PWWP2B: variants seen among roughly 807,000 people sequenced by gnomAD.
PWWP2B encodes PWWP domain containing 2B, also known as PWWP domain-containing protein 2B.
In PWWP2B, 9 loss-of-function variants were observed where a neutral mutation model predicts 15.5. That is an observed-to-expected ratio of 0.58 (90% CI 0.35 to 1.02). The LOEUF is 1.02. Among genes scored for constraint, PWWP2B ranks in the 50% least tolerant of loss-of-function variants. The probability of loss-of-function intolerance (pLI) is 0.02; values close to 1 mark genes in which losing one functional copy is unlikely to be tolerated. For synonymous variants in PWWP2B, 474 were observed against 403.6 expected, an observed-to-expected ratio of 1.17 and a Z score of -2.09; for missense variants, 864 against 865.3, an observed-to-expected ratio of 1.00 and a Z score of 0.02.
intron 2 of PWWP2B, among the ~76,000 whole-genome samples, chr10:132,414,205 A>G (rs748175667): frequency 2.6e-5 from 4 of 152,234 alleles, no homozygotes; most frequent in Non-Finnish European, 5.9e-5. Context: ...GGGCCCGTCC[A>G]GGCTGTCTCC....
At chr10:132,406,618 G>A (rs1417048922) in intron 2 of PWWP2B, among the ~76,000 whole-genome samples, 2 of 152,248 alleles carry the variant, frequency 1.3e-5, no homozygotes, top group Non-Finnish European at 2.9e-5. Flanking sequence ...AGTCAGGGAT[G>A]TGGTTTGACG....
intron 1 of PWWP2B, among the ~76,000 whole-genome samples, chr10:132,402,411 C>T (rs991897630): frequency 7.9e-5 from 12 of 152,242 alleles, no homozygotes; most frequent in Non-Finnish European, 1.5e-4. Flanking sequence ...TCATTTGAGG[C>T]CCTTTCATTG....
intron 2 of PWWP2B, among the ~76,000 whole-genome samples, chr10:132,413,705 G>C (rs948335454): frequency 6.6e-6 from 1 of 152,222 alleles, no homozygotes; most frequent in East Asian, 1.9e-4. Flanking sequence ...CAGGCCCCAC[G>C]CCGGCTTCTC....
chr10:132,399,626 C>T (rs959591320), intron 1 of PWWP2B, among the ~76,000 whole-genome samples: 14 of 152,334 alleles, frequency 9.2e-5, no homozygotes, highest in African/African-American at 3.1e-4. Context: ...GAGTTCACTG[C>T]ACACCTACTG....
Position 132,411,092 on chromosome 10 carries a change from G to C in PWWP2B, c.*16+4803G>C, listed in dbSNP as rs113234370. On this transcript the variant is annotated intron_variant, in intron 2 of 2. Coordinates refer to ENST00000305233, the MANE Select transcript of PWWP2B (RefSeq NM_138499.4). ...AAACCTCCACACACTGGGGCTCTGA[G>C]ACCACAGGCGTTTATTCCCACGCCT... Among the ~76,000 whole-genome samples, 15 of 152,320 alleles carry C rather than the reference G, an allele frequency of 9.8e-5. 1 individual carries two copies. Among genetic ancestry groups the C allele is most frequent in the African/African-American group, 3.6e-4 (15 of 41,572 alleles).
chr10:132,408,877 C>T (rs576825413), intron 2 of PWWP2B, among the ~76,000 whole-genome samples: 31 of 152,358 alleles, frequency 2.0e-4, no homozygotes, highest in African/African-American at 7.0e-4. Context: ...GGCCTGTGGC[C>T]GGCAGTGCCA....
chr10:132,397,677 G>C (rs1025491982), intron 1 of PWWP2B, among the ~76,000 whole-genome samples: 1 of 152,138 alleles, frequency 6.6e-6, no homozygotes, highest in African/African-American at 2.4e-5. Context: ...TGTTGAATTC[G>C]ACTGTTGGCA....
rs547328016 is a variant in PWWP2B at position 132,398,385 on chromosome 10, G to A, written c.125+1034G>A. Among the ~76,000 whole-genome samples the A allele has an allele frequency of 5.3e-5, 8 of 152,358 alleles. No individual in the cohort carries two copies. In the South Asian group the frequency reaches 1.4e-3, roughly 28 times the overall value. On this transcript the variant is annotated intron_variant, in intron 1 of 2. Transcript: ENST00000305233. Reference sequence around the variant, plus strand: ...TGTGGGCTACCGCTGGGAGTGCACGGGCAGGATGGAGGGACACTCGGGGGG... The same window carrying A: ...TGTGGGCTACCGCTGGGAGTGCACGAGCAGGATGGAGGGACACTCGGGGGG...
chr10:132,408,384 C>G (rs780399549), intron 2 of PWWP2B, among the ~76,000 whole-genome samples: 3 of 152,196 alleles, frequency 2.0e-5, no homozygotes, highest in African/African-American at 7.2e-5. Context: ...AGGGGAAATG[C>G]GGGGGTACCT....
chr10:132,405,760 G>T lies in PWWP2B; in HGVS notation c.1260G>T (p.Glu420Asp). ...CPEGRADCAS[E>D]SACSSDSLDE... Reference sequence around the variant, plus strand: ...AGGGGAGAGCGGACTGTGCCAGTGAGTCGGCGTGCAGCAGCGACAGCCTGG... The same window carrying T: ...AGGGGAGAGCGGACTGTGCCAGTGATTCGGCGTGCAGCAGCGACAGCCTGG... The change falls in exon 2 of 3, where the codon GAG becomes GAT. Residue 420 changes from glutamate to aspartate, a missense_variant. By Grantham distance (45) the Glu-to-Asp change is conservative. Around this residue, in one of 2 missense-constraint regions of PWWP2B, gnomAD observed 736 missense variants for 687.7 expected, o/e 1.07. Transcript: ENST00000305233. 6.2e-7 allele frequency: 1 copy of T among 1,607,650 alleles called. No homozygotes were observed.
chr10:132,400,634 C>G (rs1420950835), intron 1 of PWWP2B, among the ~76,000 whole-genome samples: 1 of 152,196 alleles, frequency 6.6e-6, no homozygotes, highest in South Asian at 2.1e-4. Context: ...GCCTGACCTG[C>G]CCGCCCTTTT....
At chr10:132,401,016 C>T (rs904414261) in intron 1 of PWWP2B, among the ~76,000 whole-genome samples, 1 of 152,254 alleles carries the variant, frequency 6.6e-6, no homozygotes, top group African/African-American at 2.4e-5. Flanking sequence ...TGTGCTCCTC[C>T]CGGCCATGGT....
At chr10:132,415,248 TCACA>T (rs534597030) in intron 2 of PWWP2B, among the ~76,000 whole-genome samples, 8 of 142,964 alleles carry the variant, frequency 5.6e-5, no homozygotes, top group African/African-American at 7.8e-5. Context: ...ACACATCCAC[TCACA>T]CACACACCCG....
At chr10:132,398,451 G>T (rs563382994) in intron 1 of PWWP2B, among the ~76,000 whole-genome samples, 1 of 152,308 alleles carries the variant, frequency 6.6e-6, no homozygotes, top group South Asian at 2.1e-4. Flanking sequence ...CTCCACCATC[G>T]GCCTCAGCTT....
At chr10:132,399,202 C>T (rs1195458352) in intron 1 of PWWP2B, among the ~76,000 whole-genome samples, 12 of 152,382 alleles carry the variant, frequency 7.9e-5, no homozygotes, top group Admixed American at 1.3e-4. Flanking sequence ...GCGTGGTGCC[C>T]GCCCTTATCC....
At position 132,397,307 on chromosome 10, in the gene PWWP2B, C is replaced by T. The variant is rs2133140338; in HGVS notation, c.81C>T (p.Cys27=). ...GCGCGCTGGTGGTCACGGTGAGCTG[C>T]GGCGAGCGGAGCTTCGCGGGGATCC... ...VNGALVVTVS[C]GERSFAGILL... Residue 27 remains cysteine, a synonymous_variant, in exon 1 of 3, where the codon TGC becomes TGT. Coordinates refer to ENST00000305233, the MANE Select transcript of PWWP2B (RefSeq NM_138499.4). 2.8e-6 allele frequency: 4 copies of T among 1,430,606 alleles called. No individual in the cohort carries two copies. The highest frequency in any genetic ancestry group is 3.0e-5 in the South Asian group (2 of 66,334). 88.6% of individuals were successfully genotyped at this position (1,430,606 alleles called of 1,614,324 possible). A position where few individuals can be genotyped will look rare whatever the true frequency, so the allele number is the denominator to read the frequency against.
At chr10:132,410,274 C>G (rs1054269144) in intron 2 of PWWP2B, among the ~76,000 whole-genome samples, 82 of 151,640 alleles carry the variant, frequency 5.4e-4, no homozygotes, top group African/African-American at 1.8e-3. Flanking sequence ...CTGGAGGCAT[C>G]TCAGGGGAAA....
chr10:132,411,377 G>T (rs1056458165), intron 2 of PWWP2B, among the ~76,000 whole-genome samples: 1 of 152,262 alleles, frequency 6.6e-6, no homozygotes, highest in Admixed American at 6.5e-5. Flanking sequence ...GTGGCAGAAG[G>T]TGCCATTCCC....
chr10:132,411,441 T>C (rs2069779170), intron 2 of PWWP2B, among the ~76,000 whole-genome samples: 1 of 152,212 alleles, frequency 6.6e-6, no homozygotes, highest in Non-Finnish European at 1.5e-5. Context: ...CCCCAGCGGT[T>C]GTGTGGGCAG....
Sources: allele counts gnomAD v4.1 joint callset (sites outside exome capture counted in the v4.1 genomes callset), GRCh38; gene constraint gnomAD v4.1.1; regional missense constraint gnomAD v4.1.1; transcripts MANE v1.5; gene names NCBI Gene and HGNC (gene_info 2026-07-23, HGNC 2026-07-21).